KCNMB2: variants seen among roughly 807,000 people sequenced by gnomAD.
KCNMB2 encodes the protein potassium calcium-activated channel subfamily M regulatory beta subunit 2.
A neutral mutation model predicts 24.5 loss-of-function variants in KCNMB2; 9 were observed. The ratio of observed to expected loss-of-function variants is 0.37; its 90% CI spans 0.22 to 0.64. The LOEUF (loss-of-function observed/expected upper bound fraction) is 0.64. Among genes scored for constraint, KCNMB2 ranks in the 30% least tolerant of loss-of-function variants. KCNMB2 has a pLI of 0.63. For missense variants in KCNMB2, 226 were observed against 284.3 expected, an observed-to-expected ratio of 0.79 and a Z score of 1.47; for synonymous variants, 109 against 104.4, an observed-to-expected ratio of 1.04 and a Z score of -0.27.
intron 1 of KCNMB2, among the ~76,000 whole-genome samples, chr3:178,733,457 T>G (rs1022408262): frequency 6.6e-6 from 1 of 152,060 alleles, no homozygotes; most frequent in Non-Finnish European, 1.5e-5. Flanking sequence ...AGGGATATAA[T>G]CTGATTTAAA....
chr3:178,568,415 T>C (rs1293570301), intron 1 of KCNMB2, among the ~76,000 whole-genome samples: 1 of 152,178 alleles, frequency 6.6e-6, no homozygotes, highest in Non-Finnish European at 1.5e-5. Flanking sequence ...CTGTTTCCCT[T>C]TTTGAAACCA....
chr3:178,540,982 C>A (rs1486168278), intron 1 of KCNMB2, among the ~76,000 whole-genome samples: 3 of 152,134 alleles, frequency 2.0e-5, no homozygotes, highest in Non-Finnish European at 2.9e-5. Flanking sequence ...AACGAATGAA[C>A]AAATTATTCA....
intron 1 of KCNMB2, among the ~76,000 whole-genome samples, chr3:178,677,891 C>T (rs1721122396): frequency 6.6e-6 from 1 of 152,164 alleles, no homozygotes; most frequent in Non-Finnish European, 1.5e-5. Flanking sequence ...CTAATGCACA[C>T]ATACTAAATG....
intron 4 of KCNMB2, among the ~76,000 whole-genome samples, chr3:178,835,430 A>C (rs926714655): frequency 6.6e-6 from 1 of 152,166 alleles, no homozygotes; most frequent in East Asian, 1.9e-4. Flanking sequence ...ATGAAGTCTC[A>C]ATTTACTTTC....
chr3:178,551,206 C>T (rs981408471), intron 1 of KCNMB2, among the ~76,000 whole-genome samples: 1 of 152,156 alleles, frequency 6.6e-6, no homozygotes, highest in Non-Finnish European at 1.5e-5. Flanking sequence ...TTCCCAGAGG[C>T]TGGCTGTGAG....
At chr3:178,675,290 T>C (rs1347967738) in intron 1 of KCNMB2, among the ~76,000 whole-genome samples, 2 of 152,210 alleles carry the variant, frequency 1.3e-5, no homozygotes, top group Non-Finnish European at 2.9e-5. Context: ...ATAGTAAACA[T>C]CAGCCAAGAC....
intron 1 of KCNMB2, among the ~76,000 whole-genome samples, chr3:178,693,043 C>T (rs568706180): frequency 6.6e-6 from 1 of 152,254 alleles, no homozygotes; most frequent in Admixed American, 6.5e-5. Flanking sequence ...TGTTTTGGCT[C>T]TTGACTTGAC....
chr3:178,592,811 T>C (rs1253479688), intron 1 of KCNMB2, among the ~76,000 whole-genome samples: 3 of 152,082 alleles, frequency 2.0e-5, no homozygotes, highest in African/African-American at 7.2e-5. Flanking sequence ...AAGGTTTCTA[T>C]GGAATCAGAA....
intron 1 of KCNMB2, among the ~76,000 whole-genome samples, chr3:178,613,710 A>G (rs955493563): frequency 2.0e-4 from 30 of 152,128 alleles, no homozygotes; most frequent in Admixed American, 1.8e-3. Context: ...GAGCTCCATT[A>G]TATGTTATTT....
intron 1 of KCNMB2, among the ~76,000 whole-genome samples, chr3:178,587,410 T>C (rs1717482498): frequency 6.6e-6 from 1 of 151,940 alleles, no homozygotes; most frequent in Non-Finnish European, 1.5e-5. Flanking sequence ...ACTCAGGAGA[T>C]TATCTTTTCC....
chr3:178,614,295 A>G (rs1268611410), intron 1 of KCNMB2, among the ~76,000 whole-genome samples: 8,080 of 90,272 alleles, frequency 0.09, 642 homozygotes, highest in Middle Eastern at 0.22. Flanking sequence ...ATATATATAT[A>G]TGTATGTATA....
intron 1 of KCNMB2, among the ~76,000 whole-genome samples, chr3:178,694,085 C>T (rs1721786682): frequency 6.6e-6 from 1 of 152,128 alleles, no homozygotes; most frequent in African/African-American, 2.4e-5. Flanking sequence ...CCCAGTTCAG[C>T]ATAGCTGGGG....
intron 1 of KCNMB2, among the ~76,000 whole-genome samples, chr3:178,773,911 A>G (rs1420175427): frequency 6.6e-6 from 1 of 152,350 alleles, no homozygotes; most frequent in Admixed American, 6.5e-5. Flanking sequence ...TTGTGCTGCT[A>G]TAACAAAATG....
chr3:178,686,754 G>A lies in KCNMB2; in HGVS notation c.-67-120589G>A, dbSNP rs73882836. On this transcript the variant is annotated intron_variant, in intron 1 of 4. Transcript: ENST00000452583. ...TTCATTTACAATTTAAAAAACTTTC[G>A]CGACACCCAAATAATCAAAGAGGAA... Among the ~76,000 whole-genome samples, 1,176 of 152,020 alleles carry A rather than the reference G, an allele frequency of 7.7e-3. 14 individuals carry two copies. The highest frequency in any genetic ancestry group is 0.026 in the African/African-American group (1,098 of 41,458).
At chr3:178,783,177 C>G (rs1173579092) in intron 1 of KCNMB2, among the ~76,000 whole-genome samples, 2 of 152,094 alleles carry the variant, frequency 1.3e-5, no homozygotes, top group Admixed American at 1.3e-4. Context: ...CAGTACCATG[C>G]TGTTTTGGTT....
At chr3:178,668,808 T>C (rs562758737) in intron 1 of KCNMB2, among the ~76,000 whole-genome samples, 1 of 152,294 alleles carries the variant, frequency 6.6e-6, no homozygotes, top group African/African-American at 2.4e-5. Context: ...TTCTGTTCTT[T>C]AATAGCAAGT....
intron 1 of KCNMB2, among the ~76,000 whole-genome samples, chr3:178,557,836 A>C (rs1419550917): frequency 6.6e-6 from 1 of 152,094 alleles, no homozygotes; most frequent in Non-Finnish European, 1.5e-5. Flanking sequence ...ATTATGAGTA[A>C]ACTAGGGTTC....
At chr3:178,774,155 T>C (rs1332982506) in intron 1 of KCNMB2, among the ~76,000 whole-genome samples, 1 of 152,126 alleles carries the variant, frequency 6.6e-6, no homozygotes, top group Non-Finnish European at 1.5e-5. Flanking sequence ...TCCACCTTTA[T>C]GGCTTAATCT....
intron 1 of KCNMB2, among the ~76,000 whole-genome samples, chr3:178,740,175 A>G (rs1723449195): frequency 1.3e-5 from 2 of 151,212 alleles, no homozygotes; most frequent in Admixed American, 1.3e-4. Context: ...CTGGAGTGCA[A>G]TGGTGCGATC....
Sources: allele counts gnomAD v4.1 joint callset (sites outside exome capture counted in the v4.1 genomes callset), GRCh38; gene constraint gnomAD v4.1.1; transcripts MANE v1.5; gene names NCBI Gene and HGNC (gene_info 2026-07-23, HGNC 2026-07-21).